The following CHRM3 variants were observed in gnomAD, a reference collection of about 807,000 sequenced individuals.
CHRM3 encodes cholinergic receptor muscarinic 3.
A neutral mutation model predicts 41.8 loss-of-function variants in CHRM3; 11 were observed. That is an observed-to-expected ratio of 0.26 (90% CI 0.17 to 0.44). CHRM3 has a LOEUF of 0.44. Ranked by LOEUF, CHRM3 falls within the 20% of genes least tolerant of loss-of-function variation. The pLI is 1.00. For missense variants in CHRM3, 571 were observed against 745.4 expected, an observed-to-expected ratio of 0.77 and a Z score of 2.72; for synonymous variants, 297 against 301.4, an observed-to-expected ratio of 0.99 and a Z score of 0.15.
chr1:239,393,307 G>T (rs2102928075), intron 1 of CHRM3, among the ~76,000 whole-genome samples: 1 of 152,246 alleles, frequency 6.6e-6, no homozygotes, highest in East Asian at 1.9e-4. Context: ...ATTGAACACA[G>T]TCTTTTTTGT....
intron 1 of CHRM3, among the ~76,000 whole-genome samples, chr1:239,410,182 C>T (rs983671872): frequency 1.3e-5 from 2 of 152,070 alleles, no homozygotes; most frequent in African/African-American, 4.8e-5. Flanking sequence ...GCTCCCAGAA[C>T]TGAGAGATTC....
chr1:239,446,146 A>T (rs180771919), intron 1 of CHRM3, among the ~76,000 whole-genome samples: 1 of 152,300 alleles, frequency 6.6e-6, no homozygotes, highest in Admixed American at 6.5e-5. Context: ...CATGTTGGCC[A>T]GGATGGTCTT....
chr1:239,694,085 A>C (rs1214700310), intron 5 of CHRM3, among the ~76,000 whole-genome samples: 1 of 152,186 alleles, frequency 6.6e-6, no homozygotes, highest in Admixed American at 6.5e-5. Flanking sequence ...TCAGACCGTT[A>C]GATATCTATG....
chr1:239,829,569 T>C (rs190457762), intron 6 of CHRM3, among the ~76,000 whole-genome samples: 2 of 152,318 alleles, frequency 1.3e-5, no homozygotes, highest in East Asian at 3.9e-4. Flanking sequence ...CAGATAAATT[T>C]CAATATATCA....
At chr1:239,592,256 T>C (rs1664255590) in intron 3 of CHRM3, among the ~76,000 whole-genome samples, 1 of 152,216 alleles carries the variant, frequency 6.6e-6, no homozygotes, top group Admixed American at 6.5e-5. Flanking sequence ...AAATCTTCAT[T>C]GCAGTGAAGA....
At chr1:239,844,429 G>A (rs944488136) in intron 6 of CHRM3, among the ~76,000 whole-genome samples, 4 of 152,184 alleles carry the variant, frequency 2.6e-5, no homozygotes, top group African/African-American at 9.7e-5. Context: ...CTAGAATAAA[G>A]GAGGTGATAG....
chr1:239,421,109 T>A (rs1400982037), intron 1 of CHRM3, among the ~76,000 whole-genome samples: 1 of 152,190 alleles, frequency 6.6e-6, no homozygotes, highest in African/African-American at 2.4e-5. Context: ...TTTTTAAGGG[T>A]TGACCCAACC....
At chr1:239,802,999 A>G (rs549748267) in intron 5 of CHRM3, among the ~76,000 whole-genome samples, 2 of 152,230 alleles carry the variant, frequency 1.3e-5, no homozygotes, top group Non-Finnish European at 2.9e-5. Context: ...AAAATCCACT[A>G]TATGCAATCT....
At chr1:239,813,835 T>A (rs12063174) in intron 5 of CHRM3, among the ~76,000 whole-genome samples, 4,613 of 131,616 alleles carry the variant, frequency 0.035, 346 homozygotes, top group African/African-American at 0.14. Context: ...GAGAATGGCG[T>A]GAACCCGGGA....
At chr1:239,531,941 G>A (rs763902854) in intron 2 of CHRM3, among the ~76,000 whole-genome samples, 15 of 149,808 alleles carry the variant, frequency 1.0e-4, no homozygotes, top group Non-Finnish European at 2.1e-4. Context: ...TTACAGGCTC[G>A]AGCCGCCGTG....
rs531128285 is a variant in CHRM3, at chr1:239,629,466, G to T, written c.-312-2758G>T. 3.5e-3 allele frequency: 529 copies of T among 151,762 alleles called. 1 individual carries two copies. Among genetic ancestry groups the T allele is most frequent in the Non-Finnish European group, 6.5e-3 (447 of 68,844 alleles). The allele number at this position is 151,762 out of a possible 1,614,324, so 9.4% of individuals were successfully genotyped here. On this transcript the variant is annotated intron_variant, in intron 3 of 6. Coordinates refer to ENST00000676153, the MANE Select transcript of CHRM3 (RefSeq NM_001375978.1). ...AATGCAGAAATCACCCGTCTTCTGC[G>T]TCGCTCACGCTGGGAGCTGTAGACC...
chr1:239,826,079 A>G (rs144270587), intron 5 of CHRM3, among the ~76,000 whole-genome samples: 84 of 152,296 alleles, frequency 5.5e-4, no homozygotes, highest in African/African-American at 1.9e-3. Context: ...TGTTTAGTGG[A>G]TAAAGAGTTT....
intron 5 of CHRM3, among the ~76,000 whole-genome samples, chr1:239,811,394 C>T (rs1365423988): frequency 6.6e-6 from 1 of 152,214 alleles, no homozygotes; most frequent in Non-Finnish European, 1.5e-5. Context: ...CTTGTCACTC[C>T]TGCACCGAAG....
intron 1 of CHRM3, among the ~76,000 whole-genome samples, chr1:239,490,297 A>T (rs1301428716): frequency 6.6e-6 from 1 of 152,174 alleles, no homozygotes; most frequent in Non-Finnish European, 1.5e-5. Flanking sequence ...ACTGCTGAAG[A>T]GTGTTCTTTG....
intron 6 of CHRM3, among the ~76,000 whole-genome samples, chr1:239,905,061 G>T (rs1156327837): frequency 6.6e-6 from 1 of 152,130 alleles, no homozygotes; most frequent in East Asian, 1.9e-4. Context: ...CATGAAAATT[G>T]ATTATTTTTG....
chr1:239,800,345 G>C (rs1241180425), intron 5 of CHRM3, among the ~76,000 whole-genome samples: 1 of 152,192 alleles, frequency 6.6e-6, no homozygotes, highest in African/African-American at 2.4e-5. Context: ...ACTCCCAAGA[G>C]AAGTTAAGAT....
rs914082009 is a variant in CHRM3 at position 239,908,433 on chromosome 1, G to A, written c.982G>A (p.Asp328Asn). ...CTGGAAACCCAGCTCCGAGCAGATG[G>A]ACCAAGACCACAGCAGCAGTGACAG... ...KSWKPSSEQM[D>N]QDHSSSDSWN... The change falls in exon 7 of 7, where the codon GAC (aspartate) becomes AAC (asparagine). Residue 328 changes from aspartate (D) to asparagine (N), a missense_variant. By Grantham distance (23) the Asp-to-Asn change is conservative (BLOSUM62 1). Coordinates refer to ENST00000676153, the MANE Select transcript of CHRM3 (RefSeq NM_001375978.1). This position sits in a 1 kb window ranked among gnomAD's most constrained non-coding sequence, Gnocchi z 7.2. 1 of 1,613,874 alleles carries A rather than the reference G, an allele frequency of 6.2e-7. No homozygotes were observed. The highest frequency in any genetic ancestry group is 1.3e-5 in the African/African-American group (1 of 74,910).
chr1:239,571,015 G>T (rs1292952391), intron 3 of CHRM3, among the ~76,000 whole-genome samples: 1 of 152,146 alleles, frequency 6.6e-6, no homozygotes, highest in Admixed American at 6.6e-5. Flanking sequence ...ATGTAAGTCT[G>T]CAGAGTGAAC....
chr1:239,911,500 T>C lies in CHRM3; in HGVS notation c.*2276T>C, dbSNP rs187811769. The stretch of plus-strand genomic sequence containing the variant: ...AGTACTTCAGCACTTCCCATCCTTT[T>C]GGAAACTCCTATCTTGCCTCCCTCC... On this transcript the variant is annotated 3_prime_UTR_variant, in exon 7 of 7. Coordinates refer to ENST00000676153, the MANE Select transcript of CHRM3 (RefSeq NM_001375978.1). The C allele has an allele frequency of 6.0e-6, 1 of 166,984 alleles. No homozygotes were observed. Among genetic ancestry groups the C allele is most frequent in the East Asian group, 1.9e-4 (1 of 5,178 alleles). The allele number at this position is 166,984 out of a possible 1,614,324, so 10.3% of individuals were successfully genotyped here.
Sources: allele counts gnomAD v4.1 joint callset (sites outside exome capture counted in the v4.1 genomes callset), GRCh38; gene constraint gnomAD v4.1.1; non-coding constraint Gnocchi (gnomAD v3.1); transcripts MANE v1.5; gene names NCBI Gene and HGNC (gene_info 2026-07-23, HGNC 2026-07-21).